The following PLPPR1 variants were observed in gnomAD, a reference collection of about 807,000 sequenced individuals.
PLPPR1 encodes the protein phospholipid phosphatase-related protein type 1.
In PLPPR1, 10 loss-of-function variants were observed where a neutral mutation model predicts 33.1. That is an observed-to-expected ratio of 0.30 (90% confidence interval 0.19 to 0.51). The LOEUF is 0.51. PLPPR1 is among the 20% of genes least tolerant of loss of function. The pLI, the probability that PLPPR1 is intolerant of heterozygous loss-of-function variation, is 0.97. For synonymous variants in PLPPR1, 151 were observed against 151.0 expected (o/e 1.00, Z 0.00); for missense variants, 304 against 408.1 (o/e 0.74, Z 2.20).
intron 3 of PLPPR1, 22 bp downstream of exon 3, chr9:101,270,090 C>T (rs749373448): frequency 6.2e-7 from 1 of 1,611,090 alleles, no homozygotes; most frequent in Non-Finnish European, 8.5e-7. Context: ...AATAGACTTT[C>T]CTCTTTATTG....
At chr9:101,144,127 G>T (rs999756209) in intron 1 of PLPPR1, among the ~76,000 whole-genome samples, 1 of 152,176 alleles carries the variant, frequency 6.6e-6, no homozygotes, top group South Asian at 2.1e-4. Flanking sequence ...GGACATGGAT[G>T]AAGCTGGAAA....
chr9:101,045,058 G>A (rs1055648614), intron 1 of PLPPR1, among the ~76,000 whole-genome samples: 1 of 152,154 alleles, frequency 6.6e-6, no homozygotes, highest in Non-Finnish European at 1.5e-5. Context: ...GCAGGGGTCT[G>A]AGCTGATCCA....
At chr9:101,303,986 A>G (rs1828799080) in intron 4 of PLPPR1, among the ~76,000 whole-genome samples, 1 of 152,244 alleles carries the variant, frequency 6.6e-6, no homozygotes, top group African/African-American at 2.4e-5. Flanking sequence ...AAACATCTCC[A>G]ATAAAAAGTA....
intron 4 of PLPPR1, among the ~76,000 whole-genome samples, chr9:101,286,818 G>A (rs1166430371): frequency 1.3e-5 from 2 of 152,104 alleles, no homozygotes; most frequent in Non-Finnish European, 2.9e-5. Flanking sequence ...ATAGATATGG[G>A]AATAAATGTG....
intron 1 of PLPPR1, among the ~76,000 whole-genome samples, chr9:101,121,453 A>G (rs1831177616): frequency 6.6e-6 from 1 of 152,190 alleles, no homozygotes; most frequent in Admixed American, 6.5e-5. Context: ...TTTTCAACGC[A>G]CCAGGCCACC....
At chr9:101,193,516 G>GTGCC (rs1826339124) in intron 2 of PLPPR1, among the ~76,000 whole-genome samples, 1 of 152,138 alleles carries the variant, frequency 6.6e-6, no homozygotes, top group African/African-American at 2.4e-5. Flanking sequence ...CAGAATGAAA[G>GTGCC]TGCCTTTGCT....
At chr9:101,288,541 G>T (rs1227652877) in intron 4 of PLPPR1, among the ~76,000 whole-genome samples, 1 of 151,768 alleles carries the variant, frequency 6.6e-6, no homozygotes, top group Non-Finnish European at 1.5e-5. Flanking sequence ...AAAGGCAAAG[G>T]GGATTGCTGG....
chr9:101,180,617 G>T (rs558985247), intron 1 of PLPPR1, among the ~76,000 whole-genome samples: 3 of 151,812 alleles, frequency 2.0e-5, no homozygotes, highest in Non-Finnish European at 4.4e-5. Context: ...CAACAGAGGT[G>T]CCAAGAAAGC....
chr9:101,305,083 C>T (rs1828832335), intron 4 of PLPPR1, among the ~76,000 whole-genome samples: 1 of 152,096 alleles, frequency 6.6e-6, no homozygotes, highest in Non-Finnish European at 1.5e-5. Context: ...AGTCTAAATC[C>T]TGGATCTCAG....
At chr9:101,247,098 T>C (rs1827624555) in intron 2 of PLPPR1, among the ~76,000 whole-genome samples, 1 of 151,952 alleles carries the variant, frequency 6.6e-6, no homozygotes, top group Non-Finnish European at 1.5e-5. Flanking sequence ...CATAGAAGAA[T>C]TGAGGCCTCT....
At chr9:101,157,058 A>G (rs1490223462) in intron 1 of PLPPR1, among the ~76,000 whole-genome samples, 2 of 152,200 alleles carry the variant, frequency 1.3e-5, no homozygotes, top group East Asian at 3.8e-4. Context: ...AGGAACATAA[A>G]TAGGTTATTA....
At chr9:101,251,793 G>T (rs924639506) in intron 2 of PLPPR1, among the ~76,000 whole-genome samples, 2 of 152,052 alleles carry the variant, frequency 1.3e-5, no homozygotes, top group African/African-American at 4.8e-5. Context: ...ATATGTCTCT[G>T]TACTGATATA....
chr9:101,155,831 C>T (rs997319134), intron 1 of PLPPR1, among the ~76,000 whole-genome samples: 2 of 152,192 alleles, frequency 1.3e-5, no homozygotes, highest in East Asian at 3.9e-4. Context: ...AACTCCCGAC[C>T]TCAAGTGATC....
At chr9:101,094,770 G>T (rs2118538986) in intron 1 of PLPPR1, among the ~76,000 whole-genome samples, 1 of 152,304 alleles carries the variant, frequency 6.6e-6, no homozygotes, top group Non-Finnish European at 1.5e-5. Context: ...CAAATTGTGA[G>T]TTAAATGTGG....
At chr9:101,297,815 C>T (rs1468526395) in intron 4 of PLPPR1, among the ~76,000 whole-genome samples, 1 of 152,010 alleles carries the variant, frequency 6.6e-6, no homozygotes, top group Non-Finnish European at 1.5e-5. Context: ...TACTTTATAC[C>T]ATTTCCTTTG....
chr9:101,315,100 AAG>A (rs1228323482), intron 6 of PLPPR1, among the ~76,000 whole-genome samples: 1 of 152,202 alleles, frequency 6.6e-6, no homozygotes, highest in Non-Finnish European at 1.5e-5. Context: ...ACTTTGTGTT[AAG>A]AACATTCCAA....
At chr9:101,198,084 T>C in intron 2 of PLPPR1, among the ~76,000 whole-genome samples, 1 of 115,962 alleles carries the variant, frequency 8.6e-6, no homozygotes, top group Non-Finnish European at 1.9e-5. Flanking sequence ...TTTAGATTAA[T>C]AAATTGTTCA....
intron 2 of PLPPR1, among the ~76,000 whole-genome samples, chr9:101,267,731 G>A (rs1361952495): frequency 6.6e-6 from 1 of 151,322 alleles, no homozygotes; most frequent in Non-Finnish European, 1.5e-5. Flanking sequence ...TGGGTGCAGT[G>A]GCTCATGCCT....
At chr9:101,208,812 A>G (rs918664042) in intron 2 of PLPPR1, among the ~76,000 whole-genome samples, 4 of 152,236 alleles carry the variant, frequency 2.6e-5, no homozygotes, top group African/African-American at 7.2e-5. Flanking sequence ...TTACAGAGAC[A>G]GATCATACTG....
Sources: allele counts gnomAD v4.1 joint callset (sites outside exome capture counted in the v4.1 genomes callset), GRCh38; gene constraint gnomAD v4.1.1; transcripts MANE v1.5; gene names NCBI Gene and HGNC (gene_info 2026-07-23, HGNC 2026-07-21).